The following SRPRA variants were observed in gnomAD, a reference collection of about 807,000 sequenced individuals.
SRPRA encodes the protein signal recognition particle receptor subunit alpha.
Under a neutral mutation model 61.1 loss-of-function variants are expected in SRPRA, and 30 were observed. That is an observed-to-expected ratio of 0.49 (90% CI 0.37 to 0.67). The LOEUF (loss-of-function observed/expected upper bound fraction) is 0.67, where lower values mean the gene tolerates loss of function less well. Ranked by LOEUF, SRPRA falls within the 30% of genes least tolerant of loss-of-function variation. The pLI is 0.00. For synonymous variants in SRPRA, 324 were observed against 299.7 expected, an observed-to-expected ratio of 1.08 and a Z score of -0.84; for missense variants, 759 against 828.4, an observed-to-expected ratio of 0.92 and a Z score of 1.03.
In SRPRA at chr11:126,265,755, C is replaced by T; in HGVS notation, c.1120G>A (p.Val374Met). 1 of 1,614,246 alleles carries T rather than the reference C, an allele frequency of 6.2e-7. No individual in the cohort carries two copies. Among genetic ancestry groups the T allele is most frequent in the South Asian group, 1.1e-5 (1 of 91,086 alleles). ...TACTTACTGCTGAACGTCCCCATCACCTTCCCTTCCAACTTGTTGGCAACA... is the reference window on the plus strand; with the variant it reads ...TACTTACTGCTGAACGTCCCCATCATCTTCCCTTCCAACTTGTTGGCAACA... ...ESVANKLEGK[V>M]MGTFSTVTST... Residue 374 changes from valine (V) to methionine (M), a missense_variant, in exon 9 of 14, where the codon GTG becomes ATG. Physicochemically the swap from Val to Met is conservative, Grantham distance 21. Transcript: ENST00000332118. This position sits in a 1 kb window ranked among gnomAD's most constrained non-coding sequence, Gnocchi z 6.3.
Position 126,263,426 on chromosome 11 carries a change from C to T in SRPRA, c.*490G>A, listed in dbSNP as rs894161741. Reference sequence around the variant, plus strand: ...AATTAGCAGCAATTAACAGGCAATACACTGCCACAGTGAGGCGGGTGTCAT... The same window carrying T: ...AATTAGCAGCAATTAACAGGCAATATACTGCCACAGTGAGGCGGGTGTCAT... On this transcript the variant is annotated 3_prime_UTR_variant, in exon 14 of 14. Transcript: ENST00000332118. 6.4e-6 allele frequency: 1 copy of T among 155,598 alleles called. No homozygotes were observed. Among genetic ancestry groups the T allele is most frequent in the Admixed American group, 6.3e-5 (1 of 15,780 alleles). The allele number at this position is 155,598 out of a possible 1,614,324, so 9.6% of individuals were successfully genotyped here.
Position 126,268,880 on chromosome 11 carries a change from G to C in SRPRA, c.-76C>G, listed in dbSNP as rs1021929281. The C allele has an allele frequency of 1.8e-5, 23 of 1,244,310 alleles. No homozygotes were observed. The highest frequency in any genetic ancestry group is 2.6e-5 in the Non-Finnish European group (22 of 852,568). 77.1% of individuals were successfully genotyped at this position (1,244,310 alleles called of 1,614,324 possible). A position where few individuals can be genotyped will look rare whatever the true frequency, so the allele number is the denominator to read the frequency against. On this transcript the variant is annotated 5_prime_UTR_variant, in exon 1 of 14. Transcript: ENST00000332118. ...TCGCCGCCGCTTCCTGCTGCGCCAA[G>C]CGCGGGACACGTCACACCAGTGGCC...
At chr11:126,238,674 C>T in the SRPRA span, among the ~76,000 whole-genome samples, 2 of 152,246 alleles carry the variant, frequency 1.3e-5, no homozygotes, top group East Asian at 3.9e-4. Flanking sequence ...AACCTCTAGC[C>T]TGCTGAAAGT....
chr11:126,264,032 T>G lies in SRPRA; in HGVS notation c.1801A>C (p.Ile601Leu). 6.2e-7 allele frequency: 1 copy of G among 1,614,058 alleles called. No individual in the cohort carries two copies. Among genetic ancestry groups the G allele is most frequent in the Non-Finnish European group, 8.5e-7 (1 of 1,179,990 alleles). Residue 601 changes from isoleucine (I) to leucine (L), a missense_variant, in exon 14 of 14, where the codon ATT (isoleucine) becomes CTT (leucine). By Grantham distance (5) the Ile-to-Leu change is conservative (BLOSUM62 2). Coordinates refer to ENST00000332118, the MANE Select transcript of SRPRA (RefSeq NM_003139.4). This position sits in a 1 kb window ranked among gnomAD's most constrained non-coding sequence, Gnocchi z 5.0. ...DTIDDKVGAAISMTYITSKPI... is the reference protein window; with the variant it reads ...DTIDDKVGAALSMTYITSKPI... ...TTGCTTGTGATGTACGTCATAGAAATAGCAGCTCCCACCTAAGTGGAGAAA... is the reference window on the plus strand; with the variant it reads ...TTGCTTGTGATGTACGTCATAGAAAGAGCAGCTCCCACCTAAGTGGAGAAA...
At chr11:126,247,823 A>C in the SRPRA span, among the ~76,000 whole-genome samples, 1 of 149,024 alleles carries the variant, frequency 6.7e-6, no homozygotes, top group Admixed American at 6.8e-5. Context: ...ACGCCACTGC[A>C]CTCCAGCCTG....
At chr11:126,245,571 G>A in the SRPRA span, among the ~76,000 whole-genome samples, 1 of 152,042 alleles carries the variant, frequency 6.6e-6, no homozygotes, top group African/African-American at 2.4e-5. Context: ...GCTTGTACCT[G>A]TAATCCCAAC....
At chr11:126,241,144 C>T in the SRPRA span, 1 of 1,231,096 alleles carries the variant, frequency 8.1e-7, no homozygotes, top group Non-Finnish European at 1.1e-6. Flanking sequence ...CCAAATGTAA[C>T]AGGGATATTC....
Position 126,266,209 on chromosome 11 carries a change from C to T in SRPRA, c.910G>A (p.Ala304Thr). 1.2e-6 allele frequency: 2 copies of T among 1,614,160 alleles called. No individual in the cohort carries two copies. Among genetic ancestry groups the T allele is most frequent in the Non-Finnish European group, 1.7e-6 (2 of 1,180,038 alleles). ...TACCTAGGTTTGGTAGAGTTTTGAG[C>T]AGCCCCTTCGTCATCAGAGCTGCTG... is the stretch of plus-strand genomic sequence containing the variant. ...DCSSSDDEGA[A>T]QNSTKPSATK... The change falls in exon 7 of 14, where the codon GCT (alanine) becomes ACT (threonine). Residue 304 changes from alanine to threonine, a missense_variant. Around this residue, in one of 2 missense-constraint regions of SRPRA, gnomAD observed 475 missense variants for 462.5 expected, o/e 1.03. Coordinates refer to ENST00000332118, the MANE Select transcript of SRPRA (RefSeq NM_003139.4).
Position 126,266,019 on chromosome 11 carries a change from C to T in SRPRA, c.995G>A (p.Ser332Asn). 6.2e-7 allele frequency: 1 copy of T among 1,614,214 alleles called. No homozygotes were observed. Among genetic ancestry groups the T allele is most frequent in the Non-Finnish European group, 8.5e-7 (1 of 1,180,052 alleles). The change falls in exon 8 of 14, where the codon AGC becomes AAC. Residue 332 changes from serine to asparagine, a missense_variant. Ser to Asn is a conservative substitution (Grantham distance 46). Coordinates refer to ENST00000332118, the MANE Select transcript of SRPRA (RefSeq NM_003139.4). Reference sequence around the variant, plus strand: ...AGATTCCATGTCTTCACGACTCAAGCTCTTTGAACCCACAAGGCCCTTCAG... The same window carrying T: ...AGATTCCATGTCTTCACGACTCAAGTTCTTTGAACCCACAAGGCCCTTCAG... ...GMLKGLVGSKSLSREDMESVL... is the reference protein window; with the variant it reads ...GMLKGLVGSKNLSREDMESVL...
rs749504335 is a variant in SRPRA, at chr11:126,266,473, T to TA, written c.840+2dup. 1 of 1,613,464 alleles carries TA rather than the reference T, an allele frequency of 6.2e-7. No individual in the cohort carries two copies. On this transcript the variant is annotated splice_region_variant and intron_variant, in intron 6 of 13. Transcript: ENST00000332118. ...GATCACTTTGACCCCTGTTACCTCT[T>TA]ACCAGGTTGATGTCCTCAGACAAGG... is the stretch of plus-strand genomic sequence containing the variant.
At chr11:126,254,278 T>C in the SRPRA span, 1 of 1,608,794 alleles carries the variant, frequency 6.2e-7, no homozygotes, top group Non-Finnish European at 8.5e-7. Flanking sequence ...CCTGCCAAGC[T>C]GGTTGGGCTA....
chr11:126,250,419 C>A, the SRPRA span: 1 of 876,674 alleles, frequency 1.1e-6, no homozygotes, highest in Non-Finnish European at 1.8e-6. The surrounding 1 kb of genome is among the most constrained non-coding windows in gnomAD (Gnocchi z 5.1). Context: ...TCAAAATATT[C>A]TTCCAAAATT....
chr11:126,248,007 G>A, the SRPRA span, among the ~76,000 whole-genome samples: 2 of 149,110 alleles, frequency 1.3e-5, no homozygotes, highest in Non-Finnish European at 3.0e-5. Flanking sequence ...TATACAAGGC[G>A]TGGTGGCACG....
At chr11:126,256,848 A>C in the SRPRA span, 3 of 1,609,438 alleles carry the variant, frequency 1.9e-6, no homozygotes, top group Non-Finnish European at 1.7e-6. This position sits in a 1 kb window ranked among gnomAD's most constrained non-coding sequence, Gnocchi z 6.6. Context: ...CAAGGGGTAC[A>C]TCAGGTAAGA....
chr11:126,264,674 G>A lies in SRPRA; in HGVS notation c.1526-135C>T, dbSNP rs1203739211. 2.8e-6 allele frequency: 3 copies of A among 1,071,308 alleles called. No individual in the cohort carries two copies. The African/African-American group carries it at 4.8e-5, about 17-fold the overall frequency. The allele number at this position is 1,071,308 out of a possible 1,614,324, so 66.4% of individuals were successfully genotyped here. On this transcript the variant is annotated intron_variant, in intron 11 of 13. Transcript: ENST00000332118. The surrounding 1 kb of genome is among the most constrained non-coding windows in gnomAD (Gnocchi z 5.0). Reference sequence around the variant, plus strand: ...TGGATTTGGTTCCAAGGTAATGTGAGAAAAACTTGATTATATGCTTGGCCA... The same window carrying A: ...TGGATTTGGTTCCAAGGTAATGTGAAAAAAACTTGATTATATGCTTGGCCA...
At chr11:126,262,592 T>C (rs989903090), downstream of SRPRA, 4 of 165,674 alleles carry the variant, frequency 2.4e-5, no homozygotes, top group African/African-American at 9.6e-5. Context: ...TTCTAGATCT[T>C]TTACAGTGTA....
rs755689042 is a variant in SRPRA, at chr11:126,265,082, G to A, written c.1402C>T (p.His468Tyr). 1 of 1,614,162 alleles carries A rather than the reference G, an allele frequency of 6.2e-7. No individual in the cohort carries two copies. The highest frequency in any genetic ancestry group is 1.7e-5 in the Admixed American group (1 of 60,028). ...TGTAGGGCACTCAAACGCCGGGTGT[G>A]TGTACGCAGCTGCTCCACGGCCCCA... ...RAGAVEQLRT[H>Y]TRRLSALHPP... Residue 468 changes from histidine to tyrosine, a missense_variant, in exon 11 of 14, where the codon CAC becomes TAC. Physicochemically the swap from His to Tyr is moderately conservative, Grantham distance 83. Coordinates refer to ENST00000332118, the MANE Select transcript of SRPRA (RefSeq NM_003139.4). The surrounding 1 kb of genome is among the most constrained non-coding windows in gnomAD (Gnocchi z 6.3).
rs1161877003 is a variant in SRPRA, at chr11:126,264,484, G to A, written c.1581C>T (p.Asp527=). Residue 527 remains aspartate (D), a synonymous_variant, in exon 12 of 14, where the codon GAC becomes GAT. Transcript: ENST00000332118. This position sits in a 1 kb window ranked among gnomAD's most constrained non-coding sequence, Gnocchi z 5.0. ...VLVDTAGRMQ[D]NAPLMTALAK... ...CCAGGGCAGTCATCAGAGGGGCATT[G>A]TCTTGCATGCGGCCTGCCGTGTCCA... 6.2e-7 allele frequency: 1 copy of A among 1,613,980 alleles called. No individual in the cohort carries two copies. Among genetic ancestry groups the A allele is most frequent in the African/African-American group, 1.3e-5 (1 of 74,938 alleles).
rs1432920503 is a variant in SRPRA at position 126,266,893 on chromosome 11, G to A, written c.556C>T (p.Pro186Ser). The A allele has an allele frequency of 1.2e-6, 2 of 1,614,022 alleles. No individual in the cohort carries two copies. The highest frequency in any genetic ancestry group is 1.7e-5 in the Admixed American group (1 of 59,988). Residue 186 changes from proline (P) to serine (S), a missense_variant, in exon 5 of 14, where the codon CCA (proline) becomes TCA (serine). Physicochemically the swap from Pro to Ser is moderately conservative, Grantham distance 74. Coordinates refer to ENST00000332118, the MANE Select transcript of SRPRA (RefSeq NM_003139.4). ...GSDGPLATSK[P>S]VPAEKSGLPV... ...AGACCTGACTTTTCTGCAGGGACTG[G>A]TTTGCTGGTAGCCAAAGGACCATCA...
Sources: gnomAD v4.1 joint callset for allele counts (sites outside exome capture counted in the v4.1 genomes callset) on GRCh38, gnomAD v4.1.1 for gene constraint, gnomAD v4.1.1 regional missense constraint, Gnocchi (gnomAD v3.1) non-coding constraint, MANE v1.5 for transcripts, NCBI Gene and HGNC (gene_info 2026-07-23, HGNC 2026-07-21) for gene names.